The following ADCY4 variants were observed in gnomAD, a reference collection of about 807,000 sequenced individuals.
The protein encoded by ADCY4 is adenylate cyclase 4, also known as adenylate cyclase type 4.
Under a neutral mutation model 125.5 loss-of-function variants are expected in ADCY4, and 111 were observed. That is an observed-to-expected ratio of 0.88 (90% CI 0.76 to 1.04). The LOEUF is 1.04. Among genes scored for constraint, ADCY4 ranks in the 50% least tolerant of loss-of-function variants. ADCY4 has a pLI of 0.00. For missense variants in ADCY4, 1,256 were observed against 1,382.9 expected, an observed-to-expected ratio of 0.91 and a Z score of 1.46; for synonymous variants, 576 against 586.9, an observed-to-expected ratio of 0.98 and a Z score of 0.27.
At chr14:24,330,356 A>G (rs1390117159) in intron 6 of ADCY4, 61 bp from the exon 7 acceptor site, 15 of 1,603,792 alleles carry the variant, frequency 9.4e-6, no homozygotes, top group African/African-American at 1.3e-5. Flanking sequence ...GGTAGGAGGG[A>G]GTTGGGAAAA....
At chr14:24,330,970 G>C in intron 6 of ADCY4, 48 bp downstream of exon 6, 1 of 1,537,954 alleles carries the variant, frequency 6.5e-7, no homozygotes, top group Non-Finnish European at 8.9e-7. Flanking sequence ...GGCTACCCAG[G>C]ATGGGATGTT....
chr14:24,320,766 AG>A (rs1182013962), intron 20 of ADCY4, among the ~76,000 whole-genome samples: 1 of 152,194 alleles, frequency 6.6e-6, no homozygotes, highest in African/African-American at 2.4e-5. Flanking sequence ...AGTGTCCAAT[AG>A]GGTGGCCACT....
chr14:24,330,515 G>A (rs1436102979), intron 6 of ADCY4: 8 of 589,056 alleles, frequency 1.4e-5, no homozygotes. Context: ...CTGGATGGCT[G>A]TGGCTCTTTC....
At chr14:24,329,839 G>A in intron 8 of ADCY4, 21 bp downstream of exon 8, 1 of 1,606,412 alleles carries the variant, frequency 6.2e-7, no homozygotes, top group Non-Finnish European at 8.5e-7. Flanking sequence ...TGCTGTAGCT[G>A]CCTAGGGCCC....
chr14:24,322,903 C>T lies in ADCY4; in HGVS notation c.2342+1G>A, dbSNP rs371251957. The T allele has an allele frequency of 1.8e-5, 29 of 1,592,116 alleles. No individual in the cohort carries two copies. The highest frequency in any genetic ancestry group is 2.3e-5 in the Non-Finnish European group (27 of 1,169,590). On this transcript the variant is annotated splice_donor_variant, in intron 18 of 24. Transcript: ENST00000418030. LOFTEE classifies it high-confidence loss of function. ...CACCTCTGTCCAGCAGCTGTGCACA[C>T]CTGGAGTCCAAGGGGCCCAGATAGA...
At position 24,329,470 on chromosome 14, in the gene ADCY4, T is replaced by C; in HGVS notation, c.1281A>G (p.Ala427=). Residue 427 remains alanine (A), a synonymous_variant, in exon 9 of 25, where the codon GCA becomes GCG. Transcript: ENST00000418030. ...GGTAGGGGTCCCGATGCTCCATGCCTGCGTCCTCCACAGCATAAGCCCCTG... is the reference window on the plus strand; with the variant it reads ...GGTAGGGGTCCCGATGCTCCATGCCCGCGTCCTCCACAGCATAAGCCCCTG... The part of the protein sequence containing the change: ...LLAGAYAVED[A]GMEHRDPYLR... 1 of 1,582,312 alleles carries C rather than the reference T, an allele frequency of 6.3e-7. No individual in the cohort carries two copies.
Position 24,331,690 on chromosome 14 carries a change from C to T in ADCY4, c.669+98G>A, listed in dbSNP as rs117255890. On this transcript the variant is annotated intron_variant, in intron 4 of 24. Transcript: ENST00000418030. ...ACAAAAGAGGAAACAGGTCAAGAAA[C>T]CTGCCCAGAGTCACTCAACTTGTGG... 1.9e-4 allele frequency: 263 copies of T among 1,401,372 alleles called. 1 individual carries two copies. The East Asian group carries it at 6.5e-3, about 35-fold the overall frequency. The allele number at this position is 1,401,372 out of a possible 1,614,324, so 86.8% of individuals were successfully genotyped here.
At position 24,326,571 on chromosome 14, in the gene ADCY4, T is replaced by TTGTGTGTG. The variant is rs71119070; in HGVS notation, c.1525-237_1525-230dup. On this transcript the variant is annotated intron_variant, in intron 10 of 24. Transcript: ENST00000418030. ...CTGACTCTCTAGACTCCCAGGATCT[T>TTGTGTGTG]TGTGTGTGTGTGTGTGTGTGTGTGT... 6.2e-3 allele frequency: 1,717 copies of TTGTGTGTG among 278,192 alleles called. 18 individuals are homozygous for TTGTGTGTG. Among genetic ancestry groups the TTGTGTGTG allele is most frequent in the African/African-American group, 0.023 (932 of 40,372 alleles). 17.2% of individuals were successfully genotyped at this position (278,192 alleles called of 1,614,324 possible).
chr14:24,334,562 G>A lies in ADCY4; in HGVS notation c.91C>T (p.Leu31=). The change falls in exon 1 of 25, where the codon CTG becomes TTG. Residue 31 remains leucine, a synonymous_variant. Transcript: ENST00000418030. ...CAGAGCACGATCCCCAGCAGCAGCA[G>A]CAGCAGCGGGTACTGCTGGCTCAGG... ...YSLSQQYPLL[L]LLLGIVLCAL... 6.3e-7 allele frequency: 1 copy of A among 1,581,954 alleles called. No homozygotes were observed. Among genetic ancestry groups the A allele is most frequent in the East Asian group, 2.3e-5 (1 of 43,596 alleles).
chr14:24,319,016 G>T lies in ADCY4; in HGVS notation c.2956+82C>A. On this transcript the variant is annotated intron_variant, in intron 23 of 24. Coordinates refer to ENST00000418030, the MANE Select transcript of ADCY4 (RefSeq NM_001198568.2). The surrounding 1 kb of genome is among the most constrained non-coding windows in gnomAD (Gnocchi z 4.5). ...AAAGGGGCTTCAGGATGAACTGGGA[G>T]CAGCTAACAAAGGACTTGGAGTGGG... 1 of 1,526,982 alleles carries T rather than the reference G, an allele frequency of 6.5e-7. No individual in the cohort carries two copies. Among genetic ancestry groups the T allele is most frequent in the Non-Finnish European group, 9.0e-7 (1 of 1,109,090 alleles). 94.6% of individuals were successfully genotyped at this position (1,526,982 alleles called of 1,614,324 possible). A position where few individuals can be genotyped will look rare whatever the true frequency, so the allele number is the denominator to read the frequency against.
rs780796671 is a variant in ADCY4, at chr14:24,334,606, A to T, written c.47T>A (p.Phe16Tyr). Residue 16 changes from phenylalanine to tyrosine, a missense_variant, in exon 1 of 25, where the codon TTC (phenylalanine) becomes TAC (tyrosine). Transcript: ENST00000418030. ...SPRPPPSEDL[F>Y]YETYYSLSQQ... Reference sequence around the variant, plus strand: ...GCTCAGGCTGTAGTAGGTCTCGTAGAAGAGGTCTTCGCTGGGGGGCGGCCG... The same window carrying T: ...GCTCAGGCTGTAGTAGGTCTCGTAGTAGAGGTCTTCGCTGGGGGGCGGCCG... 2.4e-5 allele frequency: 37 copies of T among 1,564,850 alleles called. No individual in the cohort carries two copies. In the South Asian group the frequency reaches 4.2e-4, roughly 18 times the overall value.
Position 24,319,376 on chromosome 14 carries a change from T to A in ADCY4, c.2794A>T (p.Met932Leu), listed in dbSNP as rs1277962498. 1.2e-6 allele frequency: 2 copies of A among 1,614,014 alleles called. No individual in the cohort carries two copies. Among genetic ancestry groups the A allele is most frequent in the African/African-American group, 1.3e-5 (1 of 74,896 alleles). Residue 932 changes from methionine to leucine, a missense_variant, in exon 22 of 25, where the codon ATG (methionine) becomes TTG (leucine). Physicochemically the swap from Met to Leu is conservative, Grantham distance 15 (BLOSUM62 2). Coordinates refer to ENST00000418030, the MANE Select transcript of ADCY4 (RefSeq NM_001198568.2). This position sits in a 1 kb window ranked among gnomAD's most constrained non-coding sequence, Gnocchi z 4.5. Reference protein sequence around the residue: ...EKIKTIGSTYMAATGLNATSG... With the variant: ...EKIKTIGSTYLAATGLNATSG... ...GTGGCATTTAAGCCTGTGGCTGCCA[T>A]GTAGGTGCTGCCGATGGTCTTGATC...
intron 10 of ADCY4, among the ~76,000 whole-genome samples, chr14:24,327,022 G>A (rs2139210756): frequency 6.7e-6 from 1 of 149,504 alleles, no homozygotes; most frequent in South Asian, 2.1e-4. Flanking sequence ...TCAGCCTCCT[G>A]AGTAGCTGGG....
chr14:24,319,929 T>G lies in ADCY4; in HGVS notation c.2587-41A>C, dbSNP rs1446209206. The G allele has an allele frequency of 5.6e-6, 9 of 1,606,568 alleles. No homozygotes were observed. ...ACTGGAGTGAGGGGTGTGTGTCATG[T>G]TCCTCTCCCTTCTAGAGGTCTGCGT... On this transcript the variant is annotated intron_variant, in intron 20 of 24. Coordinates refer to ENST00000418030, the MANE Select transcript of ADCY4 (RefSeq NM_001198568.2). The surrounding 1 kb of genome is among the most constrained non-coding windows in gnomAD (Gnocchi z 4.5).
At position 24,323,466 on chromosome 14, in the gene ADCY4, A is replaced by G. The variant is rs760481547; in HGVS notation, c.2047-12T>C. 1.9e-5 allele frequency: 29 copies of G among 1,551,472 alleles called. No individual in the cohort carries two copies. Among genetic ancestry groups the G allele is most frequent in the Non-Finnish European group, 2.4e-5 (28 of 1,146,968 alleles). ...GTTGGGAAGAAGAACTGCAGAGGAG[A>G]TGAGGAGTTGAAGAGGCAGGTAGCT... On this transcript the variant is annotated splice_polypyrimidine_tract_variant and intron_variant, in intron 16 of 24. Coordinates refer to ENST00000418030, the MANE Select transcript of ADCY4 (RefSeq NM_001198568.2).
intron 4 of ADCY4, 35 bp downstream of exon 4, chr14:24,331,753 G>C (rs908826359): frequency 1.3e-6 from 2 of 1,520,754 alleles, no homozygotes; most frequent in South Asian, 1.2e-5. Flanking sequence ...CTCCTCCCTC[G>C]GAGCGCTGCT....
At chr14:24,325,198 ATCT>A (rs2041922890) in intron 14 of ADCY4, among the ~76,000 whole-genome samples, 176 bp downstream of exon 14, 1 of 151,582 alleles carries the variant, frequency 6.6e-6, no homozygotes, top group African/African-American at 2.4e-5. Context: ...AGTCCACAGG[ATCT>A]ACAAGGTTAA....
At chr14:24,320,735 A>T (rs1018157239) in intron 20 of ADCY4, among the ~76,000 whole-genome samples, 1 of 152,210 alleles carries the variant, frequency 6.6e-6, no homozygotes, top group Non-Finnish European at 1.5e-5. Flanking sequence ...AATTTTTGCA[A>T]TGGAAACATT....
chr14:24,329,600 AC>A, intron 8 of ADCY4, 67 bp from the exon 9 acceptor site: 1 of 1,491,104 alleles, frequency 6.7e-7, no homozygotes, highest in Non-Finnish European at 8.9e-7. Context: ...CTGCCCCATC[AC>A]CCCCATGGCT....
Sources: allele counts gnomAD v4.1 joint callset (sites outside exome capture counted in the v4.1 genomes callset), GRCh38; gene constraint gnomAD v4.1.1; non-coding constraint Gnocchi (gnomAD v3.1); transcripts MANE v1.5; gene names NCBI Gene and HGNC (gene_info 2026-07-23, HGNC 2026-07-21).